The following PKD1L1 variants were observed in gnomAD, a reference collection of about 807,000 sequenced individuals.
PKD1L1 encodes the protein polycystin-1-like protein 1.
In PKD1L1, 236 loss-of-function variants were observed where a neutral mutation model predicts 323.4. The observed-to-expected ratio is 0.73, with a 90% CI of 0.66 to 0.81. The LOEUF (loss-of-function observed/expected upper bound fraction) is 0.81, where lower values mean the gene tolerates loss of function less well. Ranked by LOEUF, PKD1L1 falls within the 40% of genes least tolerant of loss-of-function variation. The pLI is 0.00. For missense variants in PKD1L1, 3,320 were observed against 3,508.0 expected, an observed-to-expected ratio of 0.95 and a Z score of 1.35; for synonymous variants, 1,344 against 1,335.0, an observed-to-expected ratio of 1.01 and a Z score of -0.15.
At chr7:47,909,880 A>G (rs538100973) in intron 8 of PKD1L1, among the ~76,000 whole-genome samples, 2 of 152,356 alleles carry the variant, frequency 1.3e-5, no homozygotes, top group Non-Finnish European at 2.9e-5. Flanking sequence ...ACATGGTAGC[A>G]TGCAGGAGGA....
intron 24 of PKD1L1, among the ~76,000 whole-genome samples, chr7:47,868,887 A>G (rs1343229014): frequency 6.6e-6 from 1 of 152,200 alleles, no homozygotes; most frequent in East Asian, 1.9e-4. Context: ...GAAAAAATAA[A>G]AAGACAGAAA....
rs141273845 is a variant in PKD1L1, at chr7:47,843,067, C to A, written c.5340G>T (p.Lys1780Asn). ...CTTGCAGAAAGATGTAACCAGCTTT[C>A]TTTTTTTCATGATGATCTACTTGTC... ...KSRQVDHHEK[K>N]KAGYIFLQEA... Residue 1780 changes from lysine (K) to asparagine (N), a missense_variant, in exon 34 of 57, where the codon AAG (lysine) becomes AAT (asparagine). Lys to Asn is a moderately conservative substitution (Grantham distance 94, BLOSUM62 0). Coordinates refer to ENST00000289672, the MANE Select transcript of PKD1L1 (RefSeq NM_138295.5). 1 of 1,613,742 alleles carries A rather than the reference C, an allele frequency of 6.2e-7. No individual in the cohort carries two copies. The highest frequency in any genetic ancestry group is 8.5e-7 in the Non-Finnish European group (1 of 1,179,888).
At chr7:47,794,391 G>T (rs1787025222) in intron 55 of PKD1L1, among the ~76,000 whole-genome samples, 1 of 152,218 alleles carries the variant, frequency 6.6e-6, no homozygotes, top group South Asian at 2.1e-4. Context: ...AGGGGCCATT[G>T]TACAACTTGG....
chr7:47,836,093 GCTGTT>G (rs1785451391), intron 37 of PKD1L1, among the ~76,000 whole-genome samples: 1 of 152,204 alleles, frequency 6.6e-6, no homozygotes, highest in South Asian at 2.1e-4. Context: ...GGTGGACGGA[GCTGTT>G]CCCTTCCTGC....
intron 16 of PKD1L1, among the ~76,000 whole-genome samples, chr7:47,889,738 G>A (rs1265545164): frequency 6.6e-6 from 1 of 152,194 alleles, no homozygotes; most frequent in East Asian, 1.9e-4. Flanking sequence ...CATGATGGAA[G>A]CAGTTCGATC....
intron 7 of PKD1L1, among the ~76,000 whole-genome samples, chr7:47,918,870 G>A (rs1787482028): frequency 6.6e-6 from 1 of 152,108 alleles, no homozygotes; most frequent in Non-Finnish European, 1.5e-5. Context: ...AGCAAAGGTG[G>A]TGCTAAGTGG....
chr7:47,911,193 C>T (rs1301251264), intron 8 of PKD1L1, among the ~76,000 whole-genome samples: 2 of 152,058 alleles, frequency 1.3e-5, no homozygotes, highest in African/African-American at 2.4e-5. Flanking sequence ...AGTGACTTCT[C>T]TTGAAATCTG....
intron 4 of PKD1L1, among the ~76,000 whole-genome samples, chr7:47,933,650 A>C (rs987019357): frequency 6.6e-6 from 1 of 152,124 alleles, no homozygotes; most frequent in African/African-American, 2.4e-5. Flanking sequence ...TGGTGTACCC[A>C]TGACATAACT....
At chr7:47,829,656 A>C in intron 43 of PKD1L1, 55 bp from the exon 44 acceptor site, 1 of 1,514,072 alleles carries the variant, frequency 6.6e-7, no homozygotes, top group African/African-American at 1.4e-5. Flanking sequence ...TGTTCATTCC[A>C]CACAGAGCTG....
At chr7:47,781,771 C>T (rs111701200) in intron 56 of PKD1L1, among the ~76,000 whole-genome samples, 1 of 152,134 alleles carries the variant, frequency 6.6e-6, no homozygotes, top group East Asian at 1.9e-4. Context: ...TTTTCTCCTG[C>T]AAATTTGACA....
intron 8 of PKD1L1, among the ~76,000 whole-genome samples, chr7:47,911,397 G>A (rs1340047513): frequency 6.6e-6 from 1 of 152,166 alleles, no homozygotes; most frequent in Non-Finnish European, 1.5e-5. Flanking sequence ...TTCTTTATAA[G>A]TTACCTAGTT....
chr7:47,929,150 C>G (rs967356298), intron 7 of PKD1L1, 54 bp downstream of exon 7: 5 of 1,543,248 alleles, frequency 3.2e-6, no homozygotes, highest in Non-Finnish European at 4.4e-6. Flanking sequence ...CTCTTGGGTC[C>G]CCTAGCTCAG....
At chr7:47,942,152 C>T (rs1246843354) in intron 2 of PKD1L1, among the ~76,000 whole-genome samples, 2 of 152,146 alleles carry the variant, frequency 1.3e-5, no homozygotes, top group African/African-American at 2.4e-5. Flanking sequence ...TTTGTTTTCT[C>T]GTCTTCCCTG....
intron 27 of PKD1L1, 135 bp from the exon 28 acceptor site, chr7:47,857,967 G>A (rs1785942824): frequency 6.5e-6 from 5 of 770,494 alleles, no homozygotes; most frequent in Middle Eastern, 2.6e-4. Flanking sequence ...AAGCAAGAGC[G>A]CAGGTCTTAG....
chr7:47,853,008 G>T, intron 31 of PKD1L1, 119 bp downstream of exon 31: 2 of 730,744 alleles, frequency 2.7e-6, no homozygotes, highest in Non-Finnish European at 4.8e-6. Flanking sequence ...AGCAAGCAGA[G>T]AAAGGATTCT....
chr7:47,809,793 T>A, intron 50 of PKD1L1: 2 of 405,328 alleles, frequency 4.9e-6, no homozygotes, highest in Non-Finnish European at 8.8e-6. Flanking sequence ...TCACAGAAAC[T>A]CCATGCCAGG....
intron 24 of PKD1L1, among the ~76,000 whole-genome samples, chr7:47,871,925 G>C (rs1452597719): frequency 6.6e-6 from 1 of 152,132 alleles, no homozygotes; most frequent in East Asian, 1.9e-4. Context: ...TTCTAGTCAA[G>C]AGAATTAGGC....
At chr7:47,796,310 G>T (rs1362439522) in intron 54 of PKD1L1, among the ~76,000 whole-genome samples, 160 bp from the exon 55 acceptor site, 2 of 152,144 alleles carry the variant, frequency 1.3e-5, no homozygotes, top group African/African-American at 4.8e-5. Flanking sequence ...GCAAAATCAG[G>T]AAAATACCTC....
At chr7:47,890,520 T>C (rs1786787682) in intron 16 of PKD1L1, 22 bp downstream of exon 16, 1 of 1,609,136 alleles carries the variant, frequency 6.2e-7, no homozygotes, top group Non-Finnish European at 8.5e-7. Flanking sequence ...AGCTGAGCTG[T>C]GCTGAATACA....
Sources: gnomAD v4.1 joint callset for allele counts (sites outside exome capture counted in the v4.1 genomes callset) on GRCh38, gnomAD v4.1.1 for gene constraint, MANE v1.5 for transcripts, NCBI Gene and HGNC (gene_info 2026-07-23, HGNC 2026-07-21) for gene names.